The following FAM185A variants were observed in gnomAD, a reference collection of about 807,000 sequenced individuals.
The protein encoded by FAM185A is protein FAM185A.
FAM185A carries 21 observed loss-of-function variants against 45.7 expected under a neutral mutation model. The ratio of observed to expected loss-of-function variants is 0.46; its 90% CI spans 0.33 to 0.66. The LOEUF (loss-of-function observed/expected upper bound fraction) is 0.66, where lower values mean the gene tolerates loss of function less well. Among genes scored for constraint, FAM185A ranks in the 30% least tolerant of loss-of-function variants. The pLI is 0.03. For synonymous variants in FAM185A, 117 were observed against 194.0 expected, an observed-to-expected ratio of 0.60 and a Z score of 3.30; for missense variants, 305 against 485.4, an observed-to-expected ratio of 0.63 and a Z score of 3.49.
chr7:102,808,903 T>G lies in FAM185A; in HGVS notation c.*501T>G. On this transcript the variant is annotated 3_prime_UTR_variant, in exon 8 of 8. Transcript: ENST00000413034. Reference sequence around the variant, plus strand: ...AAGCCAGCAGTGATGCGCTGAGTTCTTCTCATGCTTTGAATATCTGACTTC... The same window carrying G: ...AAGCCAGCAGTGATGCGCTGAGTTCGTCTCATGCTTTGAATATCTGACTTC... 6.4e-6 allele frequency: 1 copy of G among 155,488 alleles called. No homozygotes were observed. Among genetic ancestry groups the G allele is most frequent in the Non-Finnish European group, 1.4e-5 (1 of 69,976 alleles). The allele number at this position is 155,488 out of a possible 1,614,324, so 9.6% of individuals were successfully genotyped here.
chr7:102,797,710 G>T (rs1180180787), intron 7 of FAM185A, among the ~76,000 whole-genome samples: 1 of 152,144 alleles, frequency 6.6e-6, no homozygotes, highest in Non-Finnish European at 1.5e-5. Flanking sequence ...TACTTAGCAT[G>T]GCACTTCCTA....
At chr7:102,785,929 C>T (rs546710913) in intron 6 of FAM185A, among the ~76,000 whole-genome samples, 4 of 152,280 alleles carry the variant, frequency 2.6e-5, no homozygotes, top group African/African-American at 7.2e-5. Flanking sequence ...GCAATCTACT[C>T]TTCTGACAAA....
intron 7 of FAM185A, among the ~76,000 whole-genome samples, chr7:102,788,366 G>A (rs1339865379): frequency 2.0e-5 from 3 of 152,168 alleles, no homozygotes; most frequent in Non-Finnish European, 2.9e-5. Context: ...CAATTAGACC[G>A]TGTATAGGGA....
chr7:102,793,972 A>T (rs1182162493), intron 7 of FAM185A, among the ~76,000 whole-genome samples: 1 of 147,140 alleles, frequency 6.8e-6, no homozygotes, highest in Non-Finnish European at 1.5e-5. Flanking sequence ...CCCAGGAGGC[A>T]GAGATTGCAG....
At position 102,803,282 on chromosome 7, in the gene FAM185A, A is replaced by G. The variant is rs370560201; in HGVS notation, c.1067-5008A>G. Among the ~76,000 whole-genome samples, 419 of 152,342 alleles carry G rather than the reference A, an allele frequency of 2.8e-3. 2 individuals are homozygous for G. The highest frequency in any genetic ancestry group is 9.5e-3 in the African/African-American group (397 of 41,574). ...ATGAACACAGACGCTAAAATTCTTA[A>G]CAAAATACTAGCTAACCGAATCCAA... On this transcript the variant is annotated intron_variant, in intron 7 of 7. Coordinates refer to ENST00000413034, the MANE Select transcript of FAM185A (RefSeq NM_001145268.2).
At chr7:102,796,005 T>C (rs1156954552) in intron 7 of FAM185A, among the ~76,000 whole-genome samples, 2 of 151,934 alleles carry the variant, frequency 1.3e-5, no homozygotes, top group Non-Finnish European at 2.9e-5. Flanking sequence ...GGAATTGCAG[T>C]AGAGAAAGAG....
downstream of FAM185A, chr7:102,813,563 G>A (rs371289543): frequency 5.0e-6 from 8 of 1,598,624 alleles, no homozygotes; most frequent in South Asian, 9.0e-5. Flanking sequence ...TTAGCTAGTT[G>A]CAGAAGTAAC....
chr7:102,762,092 A>C (rs1794141557), intron 4 of FAM185A, among the ~76,000 whole-genome samples: 1 of 152,230 alleles, frequency 6.6e-6, no homozygotes, highest in African/African-American at 2.4e-5. Flanking sequence ...TGAGGGTTAA[A>C]TTAATGAAAC....
chr7:102,794,587 TCAGTCTGG>T (rs1282774911), intron 7 of FAM185A, among the ~76,000 whole-genome samples: 1 of 152,056 alleles, frequency 6.6e-6, no homozygotes, highest in Non-Finnish European at 1.5e-5. Flanking sequence ...ACTCTATAAC[TCAGTCTGG>T]CAGTTTCTTA....
chr7:102,818,829 AG>A, the FAM185A span, among the ~76,000 whole-genome samples: 1 of 152,192 alleles, frequency 6.6e-6, no homozygotes, highest in Non-Finnish European at 1.5e-5. Context: ...TACATGTACA[AG>A]ATGTACAGGT....
At chr7:102,821,994 CA>C in the FAM185A span, 12 of 1,588,496 alleles carry the variant, frequency 7.6e-6, no homozygotes, top group Non-Finnish European at 1.0e-5. Flanking sequence ...TATGTTTTCT[CA>C]GAAAGTAGTT....
the FAM185A span, among the ~76,000 whole-genome samples, chr7:102,842,054 A>G: frequency 2.6e-5 from 4 of 152,204 alleles, no homozygotes; most frequent in Non-Finnish European, 5.9e-5. Context: ...CAGTTTAGTC[A>G]ATTATTTCCT....
At chr7:102,754,952 A>G (rs1468195412) in intron 2 of FAM185A, 1,350 of 176,082 alleles carry the variant, frequency 7.7e-3, no homozygotes, top group African/African-American at 0.03. Flanking sequence ...TTTTTGGGGA[A>G]TTAGATGAGC....
chr7:102,845,985 T>C, the FAM185A span, among the ~76,000 whole-genome samples: 3 of 152,200 alleles, frequency 2.0e-5, no homozygotes, highest in Admixed American at 6.5e-5. Flanking sequence ...TTTCATGACT[T>C]GGGAGAAGTT....
At chr7:102,831,969 AG>A in the FAM185A span, among the ~76,000 whole-genome samples, 9 of 152,346 alleles carry the variant, frequency 5.9e-5, no homozygotes, top group East Asian at 1.3e-3. Flanking sequence ...ATTAAAAAGT[AG>A]GTTACAATGT....
At chr7:102,835,762 A>G in the FAM185A span, among the ~76,000 whole-genome samples, 1 of 148,238 alleles carries the variant, frequency 6.7e-6, no homozygotes, top group Non-Finnish European at 1.5e-5. Context: ...GGCGCCCGCC[A>G]CTACGCCCGG....
chr7:102,828,059 A>G, the FAM185A span, among the ~76,000 whole-genome samples: 1 of 152,204 alleles, frequency 6.6e-6, no homozygotes, highest in Non-Finnish European at 1.5e-5. Flanking sequence ...TCGACTTGGC[A>G]ATGCGGGCTC....
the FAM185A span, chr7:102,834,528 A>G: frequency 1.3e-5 from 2 of 150,620 alleles, no homozygotes; most frequent in African/African-American, 4.9e-5. Context: ...AAGATTTTAT[A>G]TACTGTGTTA....
intron 4 of FAM185A, among the ~76,000 whole-genome samples, chr7:102,770,926 C>G (rs1157440625): frequency 6.6e-6 from 1 of 152,232 alleles, no homozygotes; most frequent in Non-Finnish European, 1.5e-5. Flanking sequence ...CACTGCAGCT[C>G]TATTCACAAT....
Sources: gnomAD v4.1 joint callset for allele counts (sites outside exome capture counted in the v4.1 genomes callset) on GRCh38, gnomAD v4.1.1 for gene constraint, MANE v1.5 for transcripts, NCBI Gene and HGNC (gene_info 2026-07-23, HGNC 2026-07-21) for gene names.